The following SGCZ variants were observed in gnomAD, a reference collection of about 807,000 sequenced individuals.
SGCZ encodes zeta-sarcoglycan.
SGCZ carries 40 observed loss-of-function variants against 41.3 expected under a neutral mutation model. That is an observed-to-expected ratio of 0.97 (90% CI 0.75 to 1.26). The LOEUF (loss-of-function observed/expected upper bound fraction) is 1.26, where lower values mean the gene tolerates loss of function less well. SGCZ is among the 50% of genes most tolerant of loss of function. The probability of loss-of-function intolerance (pLI) is 0.00; values close to 1 mark genes in which losing one functional copy is unlikely to be tolerated. For synonymous variants in SGCZ, 206 were observed against 137.5 expected (o/e 1.50, Z -3.49); for missense variants, 552 against 369.8 (o/e 1.49, Z -4.04).
At chr8:14,657,630 T>C (rs955372822) in intron 1 of SGCZ, among the ~76,000 whole-genome samples, 10 of 151,738 alleles carry the variant, frequency 6.6e-5, no homozygotes, top group African/African-American at 2.4e-4. Context: ...GCATTACTTC[T>C]AACTCTTTAA....
At chr8:14,520,640 T>C (rs1299172863) in intron 2 of SGCZ, among the ~76,000 whole-genome samples, 2 of 152,132 alleles carry the variant, frequency 1.3e-5, no homozygotes, top group East Asian at 3.9e-4. Context: ...AAGGGCACAA[T>C]ATATTTCTGT....
At chr8:14,547,440 G>T (rs577500964) in intron 2 of SGCZ, among the ~76,000 whole-genome samples, 1 of 152,160 alleles carries the variant, frequency 6.6e-6, no homozygotes, top group African/African-American at 2.4e-5. Context: ...TTATATCTCA[G>T]CACTAAATTA....
chr8:14,529,476 C>A (rs1461858), intron 2 of SGCZ, among the ~76,000 whole-genome samples: 35,611 of 152,050 alleles, frequency 0.23, 4,682 homozygotes, highest in East Asian at 0.44. Context: ...TTCTTTGCAA[C>A]AAGCACAGGG....
intron 1 of SGCZ, among the ~76,000 whole-genome samples, chr8:14,785,456 G>A (rs1273575875): frequency 6.6e-6 from 1 of 151,926 alleles, no homozygotes; most frequent in South Asian, 2.1e-4. Context: ...AATTTAAAAT[G>A]CATGGTATAA....
chr8:14,837,412 A>C (rs1402102335), intron 1 of SGCZ, among the ~76,000 whole-genome samples: 1 of 152,226 alleles, frequency 6.6e-6, no homozygotes, highest in Non-Finnish European at 1.5e-5. Flanking sequence ...CGATGTGTAG[A>C]AAGGTCCACT....
chr8:14,963,931 T>A (rs1054463477), intron 1 of SGCZ, among the ~76,000 whole-genome samples: 10 of 152,060 alleles, frequency 6.6e-5, no homozygotes, highest in South Asian at 2.1e-4. Flanking sequence ...CCAGAAAAAA[T>A]TTTTTCTAAG....
At chr8:14,399,578 G>C (rs1799016553) in intron 2 of SGCZ, among the ~76,000 whole-genome samples, 1 of 152,082 alleles carries the variant, frequency 6.6e-6, no homozygotes, top group Non-Finnish European at 1.5e-5. Flanking sequence ...CCTTTAGACA[G>C]ACATTCTGCA....
At chr8:14,332,205 G>A (rs1242113423) in intron 2 of SGCZ, among the ~76,000 whole-genome samples, 3 of 152,140 alleles carry the variant, frequency 2.0e-5, no homozygotes, top group African/African-American at 7.2e-5. Context: ...GGAGGCCGAA[G>A]CGGGCGGATC....
intron 2 of SGCZ, among the ~76,000 whole-genome samples, chr8:14,379,755 A>G (rs1184614345): frequency 1.3e-5 from 2 of 152,040 alleles, no homozygotes; most frequent in Non-Finnish European, 2.9e-5. Context: ...TTTTGGAGAA[A>G]GAGTCTTACT....
rs78088046 is a variant in SGCZ at position 14,445,634 on chromosome 8, T to C, written c.234+109098A>G. 3.9e-3 allele frequency among the ~76,000 whole-genome samples: 589 copies of C among 152,262 alleles called. 2 individuals are homozygous for C. Among genetic ancestry groups the C allele is most frequent in the Non-Finnish European group, 6.8e-3 (464 of 68,020 alleles). On this transcript the variant is annotated intron_variant, in intron 2 of 7. Transcript: ENST00000382080. ...CACCCTTTGAGAATCCCATGCCACC[T>C]CATTATCCTTGGACATCGAACAAGA... is the stretch of plus-strand genomic sequence containing the variant.
chr8:15,194,554 G>A (rs532514062), intron 1 of SGCZ, among the ~76,000 whole-genome samples: 5 of 152,264 alleles, frequency 3.3e-5, no homozygotes, highest in African/African-American at 4.8e-5. Context: ...GATTACCCAA[G>A]TGGGCCAATG....
chr8:14,601,848 C>T (rs1441528900), intron 1 of SGCZ, among the ~76,000 whole-genome samples: 3 of 152,114 alleles, frequency 2.0e-5, no homozygotes, highest in Non-Finnish European at 4.4e-5. Context: ...GTGCCGGGCG[C>T]GGTGGCTCAC....
chr8:14,624,129 C>G (rs536785386), intron 1 of SGCZ, among the ~76,000 whole-genome samples: 1 of 152,222 alleles, frequency 6.6e-6, no homozygotes, highest in African/African-American at 2.4e-5. Context: ...AAAGATTCAA[C>G]AAGTTTAATA....
intron 2 of SGCZ, among the ~76,000 whole-genome samples, chr8:14,474,550 G>A (rs1376931875): frequency 1.3e-5 from 2 of 152,146 alleles, no homozygotes; most frequent in African/African-American, 4.8e-5. Context: ...TTTGTAGAGC[G>A]CTCCATGAAT....
chr8:14,557,114 A>G (rs1487330337), intron 1 of SGCZ, among the ~76,000 whole-genome samples: 1 of 151,798 alleles, frequency 6.6e-6, no homozygotes, highest in Non-Finnish European at 1.5e-5. Context: ...TGATTTTTTG[A>G]TTATGGCCAT....
At chr8:15,108,760 G>C (rs1806932609) in intron 1 of SGCZ, among the ~76,000 whole-genome samples, 1 of 152,134 alleles carries the variant, frequency 6.6e-6, no homozygotes, top group Admixed American at 6.6e-5. Flanking sequence ...TGTATTGTAA[G>C]AGGCTCTGCT....
chr8:14,435,172 C>T (rs531534662), intron 2 of SGCZ, among the ~76,000 whole-genome samples: 16 of 152,164 alleles, frequency 1.1e-4, no homozygotes, highest in South Asian at 6.2e-4. Context: ...CAATCACCAC[C>T]GATATGGATT....
rs1585120505 is a variant in SGCZ at position 14,086,646 on chromosome 8, C to G, written c.*3797G>C. On this transcript the variant is annotated 3_prime_UTR_variant, in exon 8 of 8. Coordinates refer to ENST00000382080, the MANE Select transcript of SGCZ (RefSeq NM_139167.4). ...GAATAAGATCCAAATGCATTATTTTCCTTTTTAACGTCAACCATATTACTG... is the reference window on the plus strand; with the variant it reads ...GAATAAGATCCAAATGCATTATTTTGCTTTTTAACGTCAACCATATTACTG... Among the ~76,000 whole-genome samples the G allele has an allele frequency of 6.6e-6, 1 of 151,752 alleles. No individual in the cohort carries two copies. Among genetic ancestry groups the G allele is most frequent in the East Asian group, 2.0e-4 (1 of 5,120 alleles).
At chr8:14,199,683 C>T (rs902668835) in intron 4 of SGCZ, among the ~76,000 whole-genome samples, 2 of 152,042 alleles carry the variant, frequency 1.3e-5, no homozygotes, top group Non-Finnish European at 2.9e-5. Context: ...ATTTCTCAGA[C>T]TGGCCAAAGC....
Sources: gnomAD v4.1 joint callset for allele counts (sites outside exome capture counted in the v4.1 genomes callset) on GRCh38, gnomAD v4.1.1 for gene constraint, MANE v1.5 for transcripts, NCBI Gene and HGNC (gene_info 2026-07-23, HGNC 2026-07-21) for gene names.